TBC1D4: variants seen among roughly 807,000 people sequenced by gnomAD.
TBC1D4 encodes TBC (Tre-2, BUB2, CDC16) domain-containing protein.
In TBC1D4, 121 loss-of-function variants were observed where a neutral mutation model predicts 142.5. The ratio of observed to expected loss-of-function variants is 0.85; its 90% CI spans 0.73 to 0.99. TBC1D4 has a LOEUF of 0.99. Ranked by LOEUF, TBC1D4 falls within the 50% of genes least tolerant of loss-of-function variation. The pLI is 0.00. For synonymous variants in TBC1D4, 630 were observed against 628.2 expected (o/e 1.00, Z -0.04); for missense variants, 1,475 against 1,606.6 (o/e 0.92, Z 1.40).
chr13:75,304,775 T>C (rs1876992548), intron 15 of TBC1D4, among the ~76,000 whole-genome samples: 1 of 151,246 alleles, frequency 6.6e-6, no homozygotes, highest in African/African-American at 2.4e-5. Flanking sequence ...GAAAGGGAGA[T>C]GGGAAATGAG....
intron 1 of TBC1D4, among the ~76,000 whole-genome samples, chr13:75,463,671 T>G (rs531904980): frequency 6.6e-6 from 1 of 152,352 alleles, no homozygotes; most frequent in African/African-American, 2.4e-5. Context: ...GAAATCACAA[T>G]TACTGATATT....
chr13:75,365,913 G>A (rs1221132926), intron 1 of TBC1D4, among the ~76,000 whole-genome samples: 1 of 152,176 alleles, frequency 6.6e-6, no homozygotes, highest in Non-Finnish European at 1.5e-5. Flanking sequence ...TCAGGACTGA[G>A]ACAGTTTAGT....
chr13:75,286,851 A>G lies in TBC1D4; in HGVS notation c.3838T>C (p.Leu1280=). ...GGGTTGCAGTTTAGGTCTCTCAGCAACAGGTCACAATTGACTAGAGCATCC... is the reference window on the plus strand; with the variant it reads ...GGGTTGCAGTTTAGGTCTCTCAGCAGCAGGTCACAATTGACTAGAGCATCC... ...PADALVNCDL[L]LRDLNCNPNN... is the part of the protein sequence containing the mutation. The change falls in exon 21 of 21, where the codon TTG becomes CTG. Residue 1280 remains leucine (L), a synonymous_variant. Coordinates refer to ENST00000377636, the MANE Select transcript of TBC1D4 (RefSeq NM_014832.5). The G allele has an allele frequency of 4.3e-6, 7 of 1,613,976 alleles. No individual in the cohort carries two copies. The highest frequency in any genetic ancestry group is 5.9e-6 in the Non-Finnish European group (7 of 1,179,974).
chr13:75,416,576 C>A (rs576042593), intron 1 of TBC1D4, among the ~76,000 whole-genome samples: 2 of 152,184 alleles, frequency 1.3e-5, no homozygotes, highest in Non-Finnish European at 2.9e-5. Context: ...GAGCAACATA[C>A]AAGCAATACT....
intron 4 of TBC1D4, among the ~76,000 whole-genome samples, chr13:75,352,020 A>G (rs1013812986): frequency 6.6e-6 from 1 of 152,246 alleles, no homozygotes; most frequent in African/African-American, 2.4e-5. Context: ...GTCTGAAGCT[A>G]AGACCTATAC....
chr13:75,437,418 G>A (rs1481211088), intron 1 of TBC1D4, among the ~76,000 whole-genome samples: 3 of 152,174 alleles, frequency 2.0e-5, no homozygotes, highest in African/African-American at 7.2e-5. Context: ...AAATGTTAAT[G>A]AATGTAACAT....
intron 15 of TBC1D4, 56 bp from the exon 16 acceptor site, chr13:75,302,457 A>G (rs1876677949): frequency 6.2e-7 from 1 of 1,602,560 alleles, no homozygotes; most frequent in African/African-American, 1.3e-5. Flanking sequence ...AAGTTGATAG[A>G]TCCCAGCTGA....
intron 1 of TBC1D4, among the ~76,000 whole-genome samples, chr13:75,452,765 G>T (rs1447827318): frequency 6.6e-6 from 1 of 152,172 alleles, no homozygotes; most frequent in Admixed American, 6.5e-5. Flanking sequence ...GAGGAGTGAA[G>T]TAATTATCTA....
intron 1 of TBC1D4, among the ~76,000 whole-genome samples, chr13:75,376,637 C>T (rs888628256): frequency 6.6e-6 from 1 of 152,184 alleles, no homozygotes; most frequent in South Asian, 2.1e-4. Context: ...CCGGCCTCAG[C>T]CTCCCAAAGT....
chr13:75,402,083 T>C (rs949584837), intron 1 of TBC1D4, among the ~76,000 whole-genome samples: 11 of 152,160 alleles, frequency 7.2e-5, no homozygotes, highest in African/African-American at 2.7e-4. Flanking sequence ...GTAGGATGTG[T>C]ACCACCCACC....
At chr13:75,292,895 C>T (rs1875483031) in intron 18 of TBC1D4, among the ~76,000 whole-genome samples, 1 of 152,188 alleles carries the variant, frequency 6.6e-6, no homozygotes, top group South Asian at 2.1e-4. Context: ...TGGCTCACAT[C>T]TGTAAACCCA....
At position 75,481,615 on chromosome 13, in the gene TBC1D4, C is replaced by A. The variant is rs749672172; in HGVS notation, c.153G>T (p.Thr51=). 1.2e-6 allele frequency: 2 copies of A among 1,608,508 alleles called. No homozygotes were observed. Among genetic ancestry groups the A allele is most frequent in the Non-Finnish European group, 8.5e-7 (1 of 1,177,816 alleles). Residue 51 remains threonine, a synonymous_variant, in exon 1 of 21, where the codon ACG becomes ACT. Transcript: ENST00000377636. ...CCATGAGCCAGGGCAGCATAGGCAGCGTGGTCCTGTGGTCCAGGCACGACC... is the reference window on the plus strand; with the variant it reads ...CCATGAGCCAGGGCAGCATAGGCAGAGTGGTCCTGTGGTCCAGGCACGACC... ...VGGSCLDHRT[T]LPMLPWLMAE...
chr13:75,430,715 C>T (rs1380616444), intron 1 of TBC1D4, among the ~76,000 whole-genome samples: 1 of 152,124 alleles, frequency 6.6e-6, no homozygotes, highest in East Asian at 1.9e-4. Flanking sequence ...TCTTTTATTT[C>T]CCCATCGATT....
chr13:75,311,922 T>G (rs75834710), intron 13 of TBC1D4, among the ~76,000 whole-genome samples: 1,820 of 152,322 alleles, frequency 0.012, 42 homozygotes, highest in Non-Finnish European at 0.013. Flanking sequence ...TCAAGCTTAT[T>G]TATTTGTGTT....
intron 1 of TBC1D4, among the ~76,000 whole-genome samples, chr13:75,410,131 G>T (rs1036786729): frequency 6.6e-6 from 1 of 152,290 alleles, no homozygotes; most frequent in Admixed American, 6.5e-5. Context: ...AAATAACGGT[G>T]TATGCTCATG....
intron 1 of TBC1D4, among the ~76,000 whole-genome samples, chr13:75,373,876 TG>T (rs1374810333): frequency 5.9e-5 from 9 of 152,162 alleles, no homozygotes; most frequent in Non-Finnish European, 1.0e-4. Flanking sequence ...TTCTCTTGCA[TG>T]GGCTGGCAAA....
intron 13 of TBC1D4, among the ~76,000 whole-genome samples, chr13:75,311,475 C>T (rs948877724): frequency 6.6e-6 from 1 of 151,874 alleles, no homozygotes; most frequent in African/African-American, 2.4e-5. Flanking sequence ...TATTTACTTC[C>T]ATACGTTTTA....
chr13:75,416,650 C>A (rs1042883656), intron 1 of TBC1D4, among the ~76,000 whole-genome samples: 1 of 152,234 alleles, frequency 6.6e-6, no homozygotes, highest in African/African-American at 2.4e-5. Context: ...CAGGCTACAT[C>A]TTATGCCAGC....
chr13:75,390,078 C>T (rs1884383270), intron 1 of TBC1D4, among the ~76,000 whole-genome samples: 1 of 151,914 alleles, frequency 6.6e-6, no homozygotes, highest in Non-Finnish European at 1.5e-5. Context: ...GAGTTCGAGA[C>T]CAGCCTGGCC....
Sources: gnomAD v4.1 joint callset for allele counts (sites outside exome capture counted in the v4.1 genomes callset) on GRCh38, gnomAD v4.1.1 for gene constraint, MANE v1.5 for transcripts, NCBI Gene and HGNC (gene_info 2026-07-23, HGNC 2026-07-21) for gene names.